IL2RB: variants seen among roughly 807,000 people sequenced by gnomAD.
The protein encoded by IL2RB is interleukin 2 receptor subunit beta.
In IL2RB, 17 loss-of-function variants were observed where a neutral mutation model predicts 44.2. The ratio of observed to expected loss-of-function variants is 0.38; its 90% CI spans 0.26 to 0.58. The LOEUF (loss-of-function observed/expected upper bound fraction) is 0.58. Ranked by LOEUF, IL2RB falls within the 20% of genes least tolerant of loss-of-function variation. IL2RB has a pLI of 0.63. For missense variants in IL2RB, 624 were observed against 685.5 expected, an observed-to-expected ratio of 0.91 and a Z score of 1.00; for synonymous variants, 286 against 297.9, an observed-to-expected ratio of 0.96 and a Z score of 0.41.
intron 1 of IL2RB, among the ~76,000 whole-genome samples, chr22:37,158,617 GGAGAA>G (rs1432402687): frequency 1.3e-5 from 2 of 152,184 alleles, no homozygotes; most frequent in Non-Finnish European, 2.9e-5. Flanking sequence ...CAGGATGTAC[GGAGAA>G]GAGACAAAAA....
chr22:37,169,612 C>T (rs1057495737), intron 1 of IL2RB, among the ~76,000 whole-genome samples: 5 of 152,014 alleles, frequency 3.3e-5, no homozygotes, highest in Non-Finnish European at 7.4e-5. Flanking sequence ...GCATCCAATC[C>T]TCTGGCCACA....
chr22:37,163,796 G>A (rs560505884), intron 1 of IL2RB, among the ~76,000 whole-genome samples: 1 of 152,360 alleles, frequency 6.6e-6, no homozygotes, highest in East Asian at 1.9e-4. Context: ...TGGGCCTCCG[G>A]GAACTCATGA....
intron 7 of IL2RB, 142 bp downstream of exon 7, chr22:37,136,086 G>A (rs11705593): frequency 0.017 from 14,937 of 875,200 alleles, 154 homozygotes; most frequent in Non-Finnish European, 0.022. Flanking sequence ...TCTGAAAAGC[G>A]AGCCCCCTGC....
chr22:37,162,013 C>T (rs1339770382), intron 1 of IL2RB: 1 of 152,222 alleles, frequency 6.6e-6, no homozygotes, highest in African/African-American at 2.4e-5. Context: ...TTCAGAATAT[C>T]CTGAATGATT....
intron 1 of IL2RB, among the ~76,000 whole-genome samples, chr22:37,146,988 G>A (rs1440308720): frequency 6.6e-6 from 1 of 152,164 alleles, no homozygotes; most frequent in Non-Finnish European, 1.5e-5. Context: ...AAGCTGCAAA[G>A]GCTCTCTGAG....
intron 1 of IL2RB, among the ~76,000 whole-genome samples, chr22:37,166,033 G>T (rs918078394): frequency 6.6e-6 from 1 of 152,210 alleles, no homozygotes; most frequent in African/African-American, 2.4e-5. Context: ...CTGTGAACAG[G>T]TGGGCCTCCT....
intron 1 of IL2RB, among the ~76,000 whole-genome samples, chr22:37,155,334 C>T (rs1358388075): frequency 6.6e-6 from 1 of 152,350 alleles, no homozygotes; most frequent in East Asian, 1.9e-4. Context: ...GCCAGAGCAA[C>T]CTTTCCCAAA....
At position 37,135,368 on chromosome 22, in the gene IL2RB, A is replaced by AGAT; in HGVS notation, c.775_777dup (p.Ile259dup). On this transcript the variant is annotated inframe_insertion, in exon 8 of 10. Coordinates refer to ENST00000216223, the MANE Select transcript of IL2RB (RefSeq NM_000878.5). ...CTGCAGTTGATCAGCAAGTACACTA[A>AGAT]GATGATGAAGCCAAAAGCCCCGCTG... is the stretch of plus-strand genomic sequence containing the variant. 1 of 1,613,958 alleles carries AGAT rather than the reference A, an allele frequency of 6.2e-7. No homozygotes were observed. The highest frequency in any genetic ancestry group is 1.1e-5 in the South Asian group (1 of 91,076).
chr22:37,171,339 T>C (rs1245873513), intron 1 of IL2RB, among the ~76,000 whole-genome samples: 1 of 152,150 alleles, frequency 6.6e-6, no homozygotes, highest in East Asian at 1.9e-4. Flanking sequence ...CCAAACCCTT[T>C]TTCTAGAGGC....
chr22:37,128,486 G>A lies in IL2RB; in HGVS notation c.1266C>T (p.Pro422=), dbSNP rs1921250037. The change falls in exon 10 of 10, where the codon CCC becomes CCT. Residue 422 remains proline, a synonymous_variant. Transcript: ENST00000216223. This position sits in a 1 kb window ranked among gnomAD's most constrained non-coding sequence, Gnocchi z 4.5. Reference sequence around the variant, plus strand: ...AGAAGAGCAGCAGGTCATCCCTGGAGGGGAAGGTGCAGTAGGCGTCGTCCT... The same window carrying A: ...AGAAGAGCAGCAGGTCATCCCTGGAAGGGAAGGTGCAGTAGGCGTCGTCCT... ...SGEDDAYCTF[P]SRDDLLLFSP... is the part of the protein sequence containing the mutation. 1.2e-6 allele frequency: 2 copies of A among 1,600,320 alleles called. No homozygotes were observed. The highest frequency in any genetic ancestry group is 2.2e-5 in the East Asian group (1 of 44,590).
chr22:37,143,443 C>T, intron 3 of IL2RB, 78 bp downstream of exon 3: 1 of 950,548 alleles, frequency 1.1e-6, no homozygotes, highest in Non-Finnish European at 1.7e-6. Flanking sequence ...AACGTTGACT[C>T]CTTGGAGTCC....
chr22:37,164,579 C>T (rs1219412296), intron 1 of IL2RB, among the ~76,000 whole-genome samples: 1 of 152,024 alleles, frequency 6.6e-6, no homozygotes, highest in Non-Finnish European at 1.5e-5. Context: ...GGTGAGTGGG[C>T]CGGGCAAGCC....
chr22:37,127,870 AACAC>A lies in IL2RB; in HGVS notation c.*222_*225del. On this transcript the variant is annotated 3_prime_UTR_variant, in exon 10 of 10. Coordinates refer to ENST00000216223, the MANE Select transcript of IL2RB (RefSeq NM_000878.5). Reference sequence around the variant, plus strand: ...AGTTGGGGAGTTACTGCCCCCCTGCAACACACACAGTTCCTGGCTCGGGCAGCAG... The same window carrying A: ...AGTTGGGGAGTTACTGCCCCCCTGCAACACAGTTCCTGGCTCGGGCAGCAG... 1 of 400,000 alleles carries A rather than the reference AACAC, an allele frequency of 2.5e-6. No homozygotes were observed. Among genetic ancestry groups the A allele is most frequent in the Non-Finnish European group, 4.4e-6 (1 of 226,408 alleles). The allele number at this position is 400,000 out of a possible 1,614,324, so 24.8% of individuals were successfully genotyped here. A position where few individuals can be genotyped will look rare whatever the true frequency, so the allele number is the denominator to read the frequency against.
chr22:37,134,896 C>T (rs1235126005), intron 8 of IL2RB, among the ~76,000 whole-genome samples: 1 of 152,212 alleles, frequency 6.6e-6, no homozygotes, highest in Admixed American at 6.5e-5. Flanking sequence ...AGCTCGTACT[C>T]AGTGAATATG....
intron 6 of IL2RB, among the ~76,000 whole-genome samples, chr22:37,136,900 G>T (rs777649440): frequency 2.0e-5 from 3 of 151,936 alleles, no homozygotes; most frequent in Non-Finnish European, 2.9e-5. Context: ...ATCTTTGCAG[G>T]TCAGCTCCTT....
intron 1 of IL2RB, among the ~76,000 whole-genome samples, chr22:37,170,974 C>T (rs1157721642): frequency 6.6e-6 from 1 of 152,134 alleles, no homozygotes; most frequent in African/African-American, 2.4e-5. Context: ...AATTCTAGGA[C>T]TCACGCTCTT....
At chr22:37,162,515 T>C (rs758972260) in intron 1 of IL2RB, among the ~76,000 whole-genome samples, 8 of 152,204 alleles carry the variant, frequency 5.3e-5, no homozygotes, top group Admixed American at 1.3e-4. Context: ...AACTGGTTTA[T>C]ACTTCGGGTG....
chr22:37,169,263 AG>A (rs1208879737), intron 1 of IL2RB, among the ~76,000 whole-genome samples: 1 of 145,566 alleles, frequency 6.9e-6, no homozygotes, highest in Non-Finnish European at 1.5e-5. Flanking sequence ...CTGTTTACAG[AG>A]GGGTTCTTGC....
At chr22:37,135,778 C>T (rs1232781172) in intron 7 of IL2RB, among the ~76,000 whole-genome samples, 2 of 151,976 alleles carry the variant, frequency 1.3e-5, no homozygotes, top group African/African-American at 4.8e-5. Flanking sequence ...TTAGAGGACC[C>T]CAGGTCTTGC....
Sources: gnomAD v4.1 joint callset for allele counts (sites outside exome capture counted in the v4.1 genomes callset) on GRCh38, gnomAD v4.1.1 for gene constraint, Gnocchi (gnomAD v3.1) non-coding constraint, MANE v1.5 for transcripts, NCBI Gene and HGNC (gene_info 2026-07-23, HGNC 2026-07-21) for gene names.